XDH: variants seen among roughly 807,000 people sequenced by gnomAD.
XDH encodes the protein xanthine dehydrogenase, also known as xanthine dehydrogenase/oxidase.
In XDH, 138 loss-of-function variants were observed where a neutral mutation model predicts 156.1. That is an observed-to-expected ratio of 0.88 (90% CI 0.77 to 1.02). The LOEUF (loss-of-function observed/expected upper bound fraction) is 1.02. Among genes scored for constraint, XDH ranks in the 50% least tolerant of loss-of-function variants. XDH has a pLI of 0.00. For missense variants in XDH, 1,849 were observed against 1,684.9 expected, an observed-to-expected ratio of 1.10 and a Z score of -1.71; for synonymous variants, 669 against 625.7, an observed-to-expected ratio of 1.07 and a Z score of -1.03.
At chr2:31,357,336 A>G (rs773277329) in intron 24 of XDH, among the ~76,000 whole-genome samples, 5 of 152,212 alleles carry the variant, frequency 3.3e-5, no homozygotes, top group Non-Finnish European at 5.9e-5. Flanking sequence ...AATAAAATTG[A>G]CAAACCTCTG....
intron 6 of XDH, among the ~76,000 whole-genome samples, chr2:31,396,342 A>G (rs1686903364): frequency 6.6e-6 from 1 of 152,218 alleles, no homozygotes; most frequent in Admixed American, 6.5e-5. Flanking sequence ...TATCACTTTG[A>G]GCAGGTTCTT....
intron 1 of XDH, among the ~76,000 whole-genome samples, chr2:31,413,507 G>A (rs1188514926): frequency 3.3e-5 from 5 of 152,120 alleles, no homozygotes; most frequent in South Asian, 2.1e-4. Context: ...GAGCACTGAC[G>A]TTGAAACAGT....
At chr2:31,357,527 AATG>A (rs1315767131) in intron 24 of XDH, among the ~76,000 whole-genome samples, 3 of 152,186 alleles carry the variant, frequency 2.0e-5, no homozygotes, top group African/African-American at 7.2e-5. Context: ...TAAAGAGTAG[AATG>A]ATGTTTACCA....
At chr2:31,383,930 C>T (rs942904074) in intron 9 of XDH, 83 bp from the exon 10 acceptor site, 2 of 1,193,724 alleles carry the variant, frequency 1.7e-6, no homozygotes, top group African/African-American at 3.0e-5. Flanking sequence ...CACCATTACA[C>T]ACAGGATATA....
chr2:31,336,937 G>T (rs1684983587), intron 35 of XDH, among the ~76,000 whole-genome samples: 2 of 150,042 alleles, frequency 1.3e-5, no homozygotes, highest in African/African-American at 4.9e-5. Context: ...CTCAGAGGCT[G>T]GGCTGGTTCT....
intron 34 of XDH, among the ~76,000 whole-genome samples, chr2:31,338,598 T>C (rs1219315697): frequency 6.6e-6 from 1 of 152,150 alleles, no homozygotes; most frequent in Non-Finnish European, 1.5e-5. Context: ...TTAGTTGCCT[T>C]CCTTCTTCAA....
chr2:31,369,132 T>C (rs1046851254), intron 18 of XDH, among the ~76,000 whole-genome samples: 3 of 152,282 alleles, frequency 2.0e-5, no homozygotes, highest in Middle Eastern at 3.4e-3. Context: ...CTCTCTTTTA[T>C]GTTCTATTTC....
At chr2:31,368,396 C>A in intron 19 of XDH, 145 bp downstream of exon 19, 1 of 1,109,098 alleles carries the variant, frequency 9.0e-7, no homozygotes. Flanking sequence ...TCATGGGACC[C>A]CAAATCCCAG....
chr2:31,405,233 G>C (rs1490646346), intron 2 of XDH, among the ~76,000 whole-genome samples: 1 of 152,128 alleles, frequency 6.6e-6, no homozygotes, highest in African/African-American at 2.4e-5. Context: ...TTTGAATCCT[G>C]CCTGTATATA....
chr2:31,379,234 C>T lies in XDH; in HGVS notation c.1242+633G>A, dbSNP rs45476504. Among the ~76,000 whole-genome samples the T allele has an allele frequency of 5.2e-3, 799 of 152,296 alleles. 9 individuals carry two copies. Among genetic ancestry groups the T allele is most frequent in the African/African-American group, 0.018 (761 of 41,560 alleles). On this transcript the variant is annotated intron_variant, in intron 13 of 35. Transcript: ENST00000379416. ...GGAAGGCAGCCAGTGGTGCCCAGAC[C>T]TGCCCCAACAGGCCAGAAGAGCCAC...
intron 34 of XDH, 49 bp from the exon 35 acceptor site, chr2:31,337,866 C>T: frequency 6.3e-7 from 1 of 1,597,214 alleles, no homozygotes; most frequent in African/African-American, 1.3e-5. Context: ...GTGGTCCTGC[C>T]TCCACATCAT....
chr2:31,366,873 G>C lies in XDH; in HGVS notation c.2319C>G (p.Thr773=), dbSNP rs201180770. 1 of 1,614,156 alleles carries C rather than the reference G, an allele frequency of 6.2e-7. No individual in the cohort carries two copies. Among genetic ancestry groups the C allele is most frequent in the Non-Finnish European group, 8.5e-7 (1 of 1,180,042 alleles). ...LFVSTQNTMK[T]QSFVAKMLGV... is the part of the protein sequence containing the mutation. ...AGCTGACCCAAAAGGCATCTACCTGGGTCTTCATGGTGTTCTGTGTAGACA... is the reference window on the plus strand; with the variant it reads ...AGCTGACCCAAAAGGCATCTACCTGCGTCTTCATGGTGTTCTGTGTAGACA... Residue 773 remains threonine, a synonymous_variant, in exon 21 of 36, where the codon ACC becomes ACG. Coordinates refer to ENST00000379416, the MANE Select transcript of XDH (RefSeq NM_000379.4).
intron 4 of XDH, among the ~76,000 whole-genome samples, chr2:31,400,339 C>T (rs1163301139): frequency 4.0e-5 from 6 of 150,702 alleles, no homozygotes; most frequent in Admixed American, 3.3e-4. Context: ...CCCAGGTTCA[C>T]GCCATTCTCC....
chr2:31,354,102 T>G (rs997819601), intron 24 of XDH, among the ~76,000 whole-genome samples: 4 of 152,184 alleles, frequency 2.6e-5, no homozygotes, highest in African/African-American at 9.7e-5. Flanking sequence ...ATGATGTCCA[T>G]GGACAACACG....
chr2:31,397,552 G>T (rs1686943695), intron 6 of XDH, 116 bp downstream of exon 6: 3 of 1,270,410 alleles, frequency 2.4e-6, no homozygotes, highest in African/African-American at 1.5e-5. Context: ...TCACTAACTG[G>T]TCATCTTATC....
chr2:31,374,361 G>T lies in XDH; in HGVS notation c.1603-405C>A, dbSNP rs45469500. On this transcript the variant is annotated intron_variant, in intron 15 of 35. Coordinates refer to ENST00000379416, the MANE Select transcript of XDH (RefSeq NM_000379.4). ...TATAATCCCAATGGAAGCAAAGGGG[G>T]ATTTAAAGCGCTATATGCAGTGTGG... Among the ~76,000 whole-genome samples, 681 of 152,272 alleles carry T rather than the reference G, an allele frequency of 4.5e-3. 4 individuals are homozygous for T. The highest frequency in any genetic ancestry group is 0.015 in the African/African-American group (633 of 41,558).
chr2:31,346,198 G>A (rs1685284570), intron 30 of XDH, among the ~76,000 whole-genome samples: 1 of 152,184 alleles, frequency 6.6e-6, no homozygotes, highest in Non-Finnish European at 1.5e-5. Context: ...AGACTCCCTT[G>A]CCCCTTCCCT....
chr2:31,370,413 A>T lies in XDH; in HGVS notation c.1922T>A (p.Val641Asp), dbSNP rs777962019. 7 of 1,614,202 alleles carry T rather than the reference A, an allele frequency of 4.3e-6. No homozygotes were observed. The highest frequency in any genetic ancestry group is 5.9e-6 in the Non-Finnish European group (7 of 1,180,040). ...AATTCCAGTTATGTTACTCCCAGGA[A>T]CATCATCAGCGGAAATGAAACAAAC... ...GFVCFISADDVPGSNITGICN... is the reference protein window; with the variant it reads ...GFVCFISADDDPGSNITGICN... The change falls in exon 18 of 36, where the codon GTT becomes GAT. Residue 641 changes from valine to aspartate, a missense_variant. Physicochemically the swap from Val to Asp is radical, Grantham distance 152 (BLOSUM62 -3). Coordinates refer to ENST00000379416, the MANE Select transcript of XDH (RefSeq NM_000379.4).
At chr2:31,389,379 C>G (rs1032308526) in intron 6 of XDH, among the ~76,000 whole-genome samples, 1 of 152,288 alleles carries the variant, frequency 6.6e-6, no homozygotes, top group East Asian at 1.9e-4. Context: ...GCAGACTCTT[C>G]CTGCATTCAC....
Sources: allele counts gnomAD v4.1 joint callset (sites outside exome capture counted in the v4.1 genomes callset), GRCh38; gene constraint gnomAD v4.1.1; transcripts MANE v1.5; gene names NCBI Gene and HGNC (gene_info 2026-07-23, HGNC 2026-07-21).